The following GABRE variants were observed in gnomAD, a reference collection of about 807,000 sequenced individuals.
GABRE encodes gamma-aminobutyric acid receptor subunit epsilon.
A neutral mutation model predicts 31.0 loss-of-function variants in GABRE; 20 were observed. The ratio of observed to expected loss-of-function variants is 0.64; its 90% CI spans 0.45 to 0.94. The LOEUF (loss-of-function observed/expected upper bound fraction) is 0.94, where lower values mean the gene tolerates loss of function less well. Among genes scored for constraint, GABRE ranks in the 40% least tolerant of loss-of-function variants. GABRE has a pLI of 0.00. For synonymous variants in GABRE, 155 were observed against 150.6 expected (o/e 1.03, Z -0.21); for missense variants, 420 against 410.7 (o/e 1.02, Z -0.20).
At chrX:151,959,580 CG>C (rs758670824) in intron 6 of GABRE, 1 of 451,044 alleles carries the variant, frequency 2.2e-6, no homozygotes, top group Non-Finnish European at 4.2e-6. Flanking sequence ...CTGCACATTC[CG>C]ACAGCAGCAG....
chrX:151,962,785 G>A, intron 3 of GABRE, 142 bp from the exon 4 acceptor site: 2 of 498,887 alleles, frequency 4.0e-6, no homozygotes, highest in Non-Finnish European at 6.9e-6. Flanking sequence ...CCAGGAAGCA[G>A]GAGTCAGATG....
Position 151,955,353 on chromosome X carries a change from A to T in GABRE, c.1137+15T>A. On this transcript the variant is annotated intron_variant, in intron 8 of 8. Coordinates refer to ENST00000370328, the MANE Select transcript of GABRE (RefSeq NM_004961.4). The stretch of plus-strand genomic sequence containing the variant: ...ACTCCAAAGCCTTGCCACCACTCCC[A>T]TACCCAGCTCATACATGGCGGAGTT... 1 of 1,210,842 alleles carries T rather than the reference A, an allele frequency of 8.3e-7. No individual in the cohort carries two copies. Among genetic ancestry groups the T allele is most frequent in the Non-Finnish European group, 1.1e-6 (1 of 894,728 alleles).
intron 5 of GABRE, among the ~76,000 whole-genome samples, chrX:151,960,524 T>C (rs1418903206): frequency 1.8e-5 from 2 of 111,233 alleles, no homozygotes; most frequent in Admixed American, 9.5e-5. Context: ...GTGCACAGGA[T>C]TGGGTGGCAG....
intron 6 of GABRE, chrX:151,958,550 C>T (rs1314329100): frequency 2.7e-6 from 1 of 372,817 alleles, no homozygotes; most frequent in East Asian, 7.5e-5. Context: ...TACCTACTGT[C>T]ATTGCTTTGA....
chrX:151,972,866 C>G (rs1159646030), intron 1 of GABRE, among the ~76,000 whole-genome samples: 1 of 88,542 alleles, frequency 1.1e-5, no homozygotes, highest in Non-Finnish European at 1.9e-5. Flanking sequence ...GAAAAACACT[C>G]ACACATTGGA....
intron 1 of GABRE, among the ~76,000 whole-genome samples, chrX:151,973,982 T>C (rs1311205454): frequency 9.0e-6 from 1 of 110,992 alleles, no homozygotes. Flanking sequence ...CCAAAGCTCG[T>C]GCCTGAGACT....
intron 3 of GABRE, among the ~76,000 whole-genome samples, chrX:151,968,708 T>C (rs777425531): frequency 4.5e-5 from 5 of 111,964 alleles, no homozygotes; most frequent in Admixed American, 9.5e-5. Flanking sequence ...CAAGTGATTC[T>C]TGCAGAGCAT....
At chrX:151,972,209 A>G (rs1307462775) in intron 1 of GABRE, 4 of 751,785 alleles carry the variant, frequency 5.3e-6, no homozygotes, top group African/African-American at 2.3e-5. Context: ...TAAGTGGCAT[A>G]CAGATGTGCC....
At position 151,955,523 on chromosome X, in the gene GABRE, G is replaced by C. The variant is rs867877489; in HGVS notation, c.982C>G (p.Arg328Gly). ...TAGGAGACACGCGGGAAATTCTTAC[G>C]AGAAAAGGTGCCCAACGTGGTCATG... is the stretch of plus-strand genomic sequence containing the variant. ...LTMTTLGTFS[R>G]KNFPRVSYIT... The change falls in exon 8 of 9, where the codon CGT (arginine) becomes GGT (glycine). Residue 328 changes from arginine (R) to glycine (G), a missense_variant. Arg to Gly is a moderately radical substitution (Grantham distance 125). Transcript: ENST00000370328. 8.3e-7 allele frequency: 1 copy of C among 1,211,801 alleles called. No individual in the cohort carries two copies. Among genetic ancestry groups the C allele is most frequent in the Non-Finnish European group, 1.1e-6 (1 of 895,376 alleles).
intron 1 of GABRE, among the ~76,000 whole-genome samples, chrX:151,973,738 T>A (rs1291483886): frequency 9.0e-6 from 1 of 111,502 alleles, no homozygotes; most frequent in Non-Finnish European, 1.9e-5. Flanking sequence ...CCTAGCCAAG[T>A]CTCAGGGCGA....
chrX:151,973,952 G>A (rs1224055545), intron 1 of GABRE, among the ~76,000 whole-genome samples: 12 of 111,242 alleles, frequency 1.1e-4, no homozygotes, highest in Non-Finnish European at 1.7e-4. Flanking sequence ...CATAGCTGGT[G>A]CGGGAACCCT....
At chrX:151,957,274 C>T (rs182290885) in intron 6 of GABRE, 73 of 232,540 alleles carry the variant, frequency 3.1e-4, no homozygotes, top group African/African-American at 1.7e-3. Context: ...AGCAGCCTTT[C>T]GTACTCACCT....
At chrX:151,955,937 G>T (rs1043711265) in intron 6 of GABRE, 77 bp from the exon 7 acceptor site, 2 of 1,025,566 alleles carry the variant, frequency 2.0e-6, no homozygotes, top group African/African-American at 1.8e-5. Context: ...AACAGTAAGG[G>T]TCTCATTTTT....
chrX:151,969,984 G>C, intron 2 of GABRE: 2 of 1,078,613 alleles, frequency 1.9e-6, no homozygotes, highest in South Asian at 5.0e-5. Flanking sequence ...GAAAAACTGA[G>C]GGCGAGAGAA....
chrX:151,953,670 G>A lies in GABRE; in HGVS notation c.*1031C>T, dbSNP rs1391699069. On this transcript the variant is annotated 3_prime_UTR_variant, in exon 9 of 9. Coordinates refer to ENST00000370328, the MANE Select transcript of GABRE (RefSeq NM_004961.4). Reference sequence around the variant, plus strand: ...GGAATTTGATTGATTGATTGTGATGGTTAGAGTGCCCCGGGTATAACAGTG... The same window carrying A: ...GGAATTTGATTGATTGATTGTGATGATTAGAGTGCCCCGGGTATAACAGTG... 8.9e-6 allele frequency: 1 copy of A among 112,434 alleles called. No individual in the cohort carries two copies. Among genetic ancestry groups the A allele is most frequent in the Non-Finnish European group, 1.9e-5 (1 of 53,312 alleles). The allele number at this position is 112,434 out of a possible 1,213,427, so 9.3% of individuals were successfully genotyped here. A position where few individuals can be genotyped will look rare whatever the true frequency, so the allele number is the denominator to read the frequency against.
chrX:151,972,747 A>C, intron 1 of GABRE: 2 of 613,253 alleles, frequency 3.3e-6, no homozygotes, highest in Non-Finnish European at 3.9e-6. Context: ...TAAACAAACA[A>C]AACAAAACCT....
At chrX:151,960,774 C>T (rs1255093368) in intron 5 of GABRE, among the ~76,000 whole-genome samples, 3 of 111,200 alleles carry the variant, frequency 2.7e-5, no homozygotes, top group Non-Finnish European at 5.7e-5. Flanking sequence ...TAGACAGCAT[C>T]GATAGAGACT....
chrX:151,969,540 C>G (rs1215959072), intron 3 of GABRE, 129 bp downstream of exon 3: 1 of 652,116 alleles, frequency 1.5e-6, no homozygotes, highest in African/African-American at 2.3e-5. Flanking sequence ...TAAAAAATCC[C>G]TTTCTCCCTC....
rs1468512507 is a variant in GABRE at position 151,959,880 on chromosome X, G to A, written c.743C>T (p.Thr248Ile). ...NSWKLFQFDF[T>I]GVSNKTEIIT... ...TATTTCAGTTTTGTTGCTCACTCCT[G>A]TAAAATCAAACTGGAAGAGCTTCCA... Residue 248 changes from threonine to isoleucine, a missense_variant, in exon 6 of 9, where the codon ACA (threonine) becomes ATA (isoleucine). Coordinates refer to ENST00000370328, the MANE Select transcript of GABRE (RefSeq NM_004961.4). 4 of 1,210,873 alleles carry A rather than the reference G, an allele frequency of 3.3e-6. No individual in the cohort carries two copies. Among genetic ancestry groups the A allele is most frequent in the Admixed American group, 2.2e-5 (1 of 46,025 alleles).
Sources: allele counts gnomAD v4.1 joint callset (sites outside exome capture counted in the v4.1 genomes callset), GRCh38; gene constraint gnomAD v4.1.1; transcripts MANE v1.5; gene names NCBI Gene and HGNC (gene_info 2026-07-23, HGNC 2026-07-21).